The following MAN2A2 variants were observed in gnomAD, a reference collection of about 807,000 sequenced individuals.
The protein encoded by MAN2A2 is alpha-mannosidase 2x.
In MAN2A2, 79 loss-of-function variants were observed where a neutral mutation model predicts 126.8. That is an observed-to-expected ratio of 0.62 (90% CI 0.52 to 0.75). The LOEUF is 0.75. Ranked by LOEUF, MAN2A2 falls within the 30% of genes least tolerant of loss-of-function variation. MAN2A2 has a pLI of 0.00. For missense variants in MAN2A2, 1,392 were observed against 1,522.4 expected (o/e 0.91, Z 1.43); for synonymous variants, 671 against 618.7 (o/e 1.08, Z -1.25).
chr15:90,915,803 C>T (rs2035124589), intron 19 of MAN2A2, among the ~76,000 whole-genome samples: 1 of 152,224 alleles, frequency 6.6e-6, no homozygotes, highest in African/African-American at 2.4e-5. Flanking sequence ...TGTATGTAAC[C>T]CGTCCTGATT....
Position 90,916,194 on chromosome 15 carries a change from GACA to G in MAN2A2, c.2937_2939del (p.Asn979del), listed in dbSNP as rs1373527871. ...CCGGGGCCTAGGCCAAGGGCTCAAG[GACA>G]ACAAGAGAACCTGCAACCGTTTCCG... On this transcript the variant is annotated inframe_deletion, in exon 20 of 23. Transcript: ENST00000559717. 4 of 1,614,172 alleles carry G rather than the reference GACA, an allele frequency of 2.5e-6. No individual in the cohort carries two copies. The highest frequency in any genetic ancestry group is 2.5e-6 in the Non-Finnish European group (3 of 1,180,032).
rs533228489 is a variant in MAN2A2 at position 90,922,420 on chromosome 15, G to A, written c.*2633G>A. ...GCTTAGCATGGTGCCTGGTATATAC[G>A]AGAGCTCCACAAATGTGAGCTATAA... On this transcript the variant is annotated 3_prime_UTR_variant, in exon 23 of 23. Coordinates refer to ENST00000559717, the MANE Select transcript of MAN2A2 (RefSeq NM_006122.4). The A allele has an allele frequency of 6.6e-6, 1 of 152,118 alleles. No individual in the cohort carries two copies. Among genetic ancestry groups the A allele is most frequent in the Non-Finnish European group, 1.5e-5 (1 of 68,032 alleles). 9.4% of individuals were successfully genotyped at this position (152,118 alleles called of 1,614,324 possible). A position where few individuals can be genotyped will look rare whatever the true frequency, so the allele number is the denominator to read the frequency against.
intron 12 of MAN2A2, 25 bp from the exon 13 acceptor site, chr15:90,911,146 T>C: frequency 6.2e-7 from 1 of 1,612,782 alleles, no homozygotes; most frequent in Non-Finnish European, 8.5e-7. Context: ...TGATGGTTCT[T>C]CCCTTCCGGC....
chr15:90,912,520 T>C, intron 15 of MAN2A2, 22 bp from the exon 16 acceptor site: 1 of 1,611,264 alleles, frequency 6.2e-7, no homozygotes, highest in Non-Finnish European at 8.5e-7. Context: ...GGGCCAGGGG[T>C]CAGGGCTGTG....
chr15:90,921,881 C>G lies in MAN2A2; in HGVS notation c.*2094C>G. 6.6e-6 allele frequency: 1 copy of G among 151,852 alleles called. No homozygotes were observed. The highest frequency in any genetic ancestry group is 2.1e-4 in the South Asian group (1 of 4,806). The allele number at this position is 151,852 out of a possible 1,614,324, so 9.4% of individuals were successfully genotyped here. On this transcript the variant is annotated 3_prime_UTR_variant, in exon 23 of 23. Transcript: ENST00000559717. ...TTGCAGTGAGCTTAGATCATGCCAC[C>G]ATGCCACTGCACTCCAGCCTGGGTG...
chr15:90,906,806 T>C lies in MAN2A2; in HGVS notation c.902T>C (p.Leu301Pro). The C allele has an allele frequency of 6.2e-7, 1 of 1,613,986 alleles. No individual in the cohort carries two copies. The highest frequency in any genetic ancestry group is 2.2e-5 in the East Asian group (1 of 44,868). ...FGYSSTMPYL[L>P]RRANLTSMLI... ...TACAGCTCCACCATGCCTTACCTGC[T>C]GCGCCGTGCCAACCTCACCAGCATG... Residue 301 changes from leucine to proline, a missense_variant, in exon 7 of 23, where the codon CTG (leucine) becomes CCG (proline). By Grantham distance (98) the Leu-to-Pro change is moderately conservative. Coordinates refer to ENST00000559717, the MANE Select transcript of MAN2A2 (RefSeq NM_006122.4).
rs770739979 is a variant in MAN2A2, at chr15:90,905,833, T to C, written c.536-12T>C. The C allele has an allele frequency of 4.4e-6, 7 of 1,573,838 alleles. No homozygotes were observed. Among genetic ancestry groups the C allele is most frequent in the Non-Finnish European group, 6.0e-6 (7 of 1,159,220 alleles). ...GGTGGCATCCTCAGGGGACCCTACA[T>C]TGGCTCCCTAGGCTGGATCAAGACC... On this transcript the variant is annotated splice_polypyrimidine_tract_variant and intron_variant, in intron 4 of 22. Coordinates refer to ENST00000559717, the MANE Select transcript of MAN2A2 (RefSeq NM_006122.4).
intron 16 of MAN2A2, 67 bp from the exon 17 acceptor site, chr15:90,912,810 C>T (rs2034862369): frequency 1.9e-6 from 3 of 1,558,870 alleles, no homozygotes; most frequent in Admixed American, 3.4e-5. Context: ...TTGCCCAGCC[C>T]TGGGCTGGCA....
Position 90,911,187 on chromosome 15 carries a change from G to A in MAN2A2, c.1892G>A (p.Ser631Asn). ...PFLQVDDTRL[S>N]HDALPERTVI... Reference sequence around the variant, plus strand: ...GAATTCCAGGATGACACTCGCTTAAGTCACGACGCCCTCCCAGAGCGCACG... The same window carrying A: ...GAATTCCAGGATGACACTCGCTTAAATCACGACGCCCTCCCAGAGCGCACG... Residue 631 changes from serine (S) to asparagine (N), a missense_variant, in exon 13 of 23, where the codon AGT (serine) becomes AAT (asparagine). Ser to Asn is a conservative substitution (Grantham distance 46). Coordinates refer to ENST00000559717, the MANE Select transcript of MAN2A2 (RefSeq NM_006122.4). 5.6e-6 allele frequency: 9 copies of A among 1,614,072 alleles called. No homozygotes were observed. The highest frequency in any genetic ancestry group is 7.6e-6 in the Non-Finnish European group (9 of 1,180,002).
chr15:90,903,752 C>T lies in MAN2A2; in HGVS notation c.-19+320C>T, dbSNP rs1394502068. ...TGTTTCTGGTGAGTGCCAGTTTGACCCGAAAGGGCACTGAGAAAGGCTTTC... is the reference window on the plus strand; with the variant it reads ...TGTTTCTGGTGAGTGCCAGTTTGACTCGAAAGGGCACTGAGAAAGGCTTTC... On this transcript the variant is annotated intron_variant, in intron 1 of 22. Transcript: ENST00000559717. 7 of 282,182 alleles carry T rather than the reference C, an allele frequency of 2.5e-5. No individual in the cohort carries two copies. In the East Asian group the frequency reaches 6.4e-4, roughly 26 times the overall value. The allele number at this position is 282,182 out of a possible 1,614,324, so 17.5% of individuals were successfully genotyped here.
rs2034182995 is a variant in MAN2A2 at position 90,905,353 on chromosome 15, A to G, written c.235A>G (p.Thr79Ala). ...SHIKDSVLEL[T>A]ANAEGPPAML... The stretch of plus-strand genomic sequence containing the variant: ...TATCAAGGACTCCGTGCTGGAGCTG[A>G]CAGCCAACGCAGAGGGCCCGCCCGC... Residue 79 changes from threonine to alanine, a missense_variant, in exon 3 of 23, where the codon ACA becomes GCA. Coordinates refer to ENST00000559717, the MANE Select transcript of MAN2A2 (RefSeq NM_006122.4). 8 of 1,613,772 alleles carry G rather than the reference A, an allele frequency of 5.0e-6. No homozygotes were observed. In the South Asian group the frequency reaches 6.6e-5, roughly 13 times the overall value.
Position 90,919,815 on chromosome 15 carries a change from C to A in MAN2A2, c.*28C>A. ...CTTCTTGTGGCCTGAAGAGAAAGTT[C>A]ATTCACAGAGACTGCCTCTTAACAT... On this transcript the variant is annotated 3_prime_UTR_variant, in exon 23 of 23. Transcript: ENST00000559717. 6.2e-7 allele frequency: 1 copy of A among 1,612,514 alleles called. No individual in the cohort carries two copies. Among genetic ancestry groups the A allele is most frequent in the South Asian group, 1.1e-5 (1 of 90,946 alleles).
intron 8 of MAN2A2, 86 bp from the exon 9 acceptor site, chr15:90,909,241 A>T: frequency 7.3e-7 from 1 of 1,362,034 alleles, no homozygotes; most frequent in South Asian, 1.4e-5. Context: ...GATGTCTTCT[A>T]GGGGCTTGCT....
chr15:90,917,979 C>T, intron 20 of MAN2A2: 1 of 567,282 alleles, frequency 1.8e-6, no homozygotes, highest in Non-Finnish European at 3.2e-6. Context: ...GAAGAAACAG[C>T]TTAGTGAAGT....
chr15:90,912,745 C>A, intron 16 of MAN2A2, 81 bp downstream of exon 16: 1 of 1,593,918 alleles, frequency 6.3e-7, no homozygotes, highest in Admixed American at 1.7e-5. Flanking sequence ...TTGCTGCCTG[C>A]CAGGGGCCTT....
At chr15:90,910,035 A>C in intron 9 of MAN2A2, 55 bp from the exon 10 acceptor site, 1 of 1,521,114 alleles carries the variant, frequency 6.6e-7, no homozygotes, top group South Asian at 1.2e-5. Context: ...CACTGTGGCC[A>C]CAATTTGCAG....
Position 90,912,894 on chromosome 15 carries a change from G to GC in MAN2A2, c.2493dup (p.Val832ArgfsTer6), listed in dbSNP as rs755100936. 1.9e-6 allele frequency: 3 copies of GC among 1,613,742 alleles called. No individual in the cohort carries two copies. The highest frequency in any genetic ancestry group is 2.2e-5 in the East Asian group (1 of 44,876). On this transcript the variant is annotated frameshift_variant, in exon 17 of 23. Transcript: ENST00000559717. LOFTEE classifies it high-confidence loss of function. The stretch of plus-strand genomic sequence containing the variant: ...TTCTCTAGCCCTACGTCCCCAAGGA[G>GC]CCCCCCGTGCTGCGTGTCACTGAAG...
At position 90,912,997 on chromosome 15, in the gene MAN2A2, C is replaced by T. The variant is rs1185805013; in HGVS notation, c.2584+6C>T. On this transcript the variant is annotated splice_donor_region_variant and intron_variant, in intron 17 of 22. Transcript: ENST00000559717. ...CCGGCTTTACAATCTGCCAGGTGAG[C>T]CCTGCATATGAGGAAGGGTCTGGAA... The T allele has an allele frequency of 3.7e-6, 6 of 1,608,916 alleles. No homozygotes were observed. Among genetic ancestry groups the T allele is most frequent in the Non-Finnish European group, 5.1e-6 (6 of 1,175,688 alleles).
At chr15:90,918,505 C>A in intron 21 of MAN2A2, 117 bp downstream of exon 21, 1 of 1,318,336 alleles carries the variant, frequency 7.6e-7, no homozygotes, top group South Asian at 1.4e-5. Flanking sequence ...TATTCGGCTC[C>A]AAACCTCCAG....
Sources: gnomAD v4.1 joint callset for allele counts (sites outside exome capture counted in the v4.1 genomes callset) on GRCh38, gnomAD v4.1.1 for gene constraint, MANE v1.5 for transcripts, NCBI Gene and HGNC (gene_info 2026-07-23, HGNC 2026-07-21) for gene names.